CATSPERT: variants seen among roughly 807,000 people sequenced by gnomAD.
The protein encoded by CATSPERT is catsper channel auxiliary subunit tau, also known as cation channel sperm-associated targeting subunit tau.
the CATSPERT span, among the ~76,000 whole-genome samples, chr2:201,534,085 T>A: frequency 1.5e-5 from 2 of 137,590 alleles, no homozygotes; most frequent in Admixed American, 7.3e-5. Flanking sequence ...TCTATCTATC[T>A]ATCAAATCTG....
chr2:201,565,032 C>T, the CATSPERT span, among the ~76,000 whole-genome samples: 1 of 149,780 alleles, frequency 6.7e-6, no homozygotes, highest in Non-Finnish European at 1.5e-5. Context: ...AAGAAAGAGC[C>T]TGTGAACTAG....
chr2:201,568,649 T>C, the CATSPERT span, among the ~76,000 whole-genome samples: 1 of 152,160 alleles, frequency 6.6e-6, no homozygotes, highest in Non-Finnish European at 1.5e-5. Context: ...ATATGGGAGT[T>C]AAATGGAGAT....
the CATSPERT span, among the ~76,000 whole-genome samples, chr2:201,618,066 C>T: frequency 6.6e-6 from 1 of 152,260 alleles, no homozygotes; most frequent in Middle Eastern, 3.4e-3. Flanking sequence ...ACAACAGGTG[C>T]TGGAGAGGAT....
At chr2:201,545,466 T>G in the CATSPERT span, 36 of 987,962 alleles carry the variant, frequency 3.6e-5, no homozygotes, top group Non-Finnish European at 5.1e-5. Flanking sequence ...TAAAGCAAAT[T>G]ACTAATTGTC....
At chr2:201,570,933 CT>C in the CATSPERT span, among the ~76,000 whole-genome samples, 2 of 152,186 alleles carry the variant, frequency 1.3e-5, no homozygotes, top group Admixed American at 6.5e-5. Flanking sequence ...TCCTCCCCAA[CT>C]TCCCTGACAA....
the CATSPERT span, among the ~76,000 whole-genome samples, chr2:201,488,890 G>A: frequency 5.1e-4 from 78 of 152,230 alleles, no homozygotes; most frequent in Admixed American, 1.8e-3. Context: ...TCCCTCTTAC[G>A]TACACAAGAC....
chr2:201,604,559 T>C, the CATSPERT span: 5 of 1,223,394 alleles, frequency 4.1e-6, no homozygotes, highest in South Asian at 7.4e-5. Flanking sequence ...TACTGTTTGA[T>C]TATCAAATAA....
the CATSPERT span, among the ~76,000 whole-genome samples, chr2:201,598,546 A>G: frequency 6.6e-6 from 1 of 152,106 alleles, no homozygotes; most frequent in Non-Finnish European, 1.5e-5. Flanking sequence ...AGCAGAGAGC[A>G]CATCTTTTAT....
chr2:201,574,752 T>G, the CATSPERT span, among the ~76,000 whole-genome samples: 1 of 152,124 alleles, frequency 6.6e-6, no homozygotes, highest in Admixed American at 6.6e-5. Flanking sequence ...TAAAGTCAAG[T>G]GTCCATCTTT....
chr2:201,545,425 T>G, the CATSPERT span: 4 of 664,052 alleles, frequency 6.0e-6, no homozygotes, highest in Admixed American at 6.5e-5. Flanking sequence ...GTGAAATGCC[T>G]ATTTATTTCC....
At chr2:201,606,479 G>A in the CATSPERT span, among the ~76,000 whole-genome samples, 664 of 152,210 alleles carry the variant, frequency 4.4e-3, 2 homozygotes, top group African/African-American at 0.015. Flanking sequence ...ATGTATCAAG[G>A]CTATTTTAAA....
At chr2:201,543,877 A>G in the CATSPERT span, among the ~76,000 whole-genome samples, 1 of 152,030 alleles carries the variant, frequency 6.6e-6, no homozygotes, top group African/African-American at 2.4e-5. Flanking sequence ...TTATTATTAT[A>G]CTTTAAGTTC....
chr2:201,605,901 T>C, the CATSPERT span, among the ~76,000 whole-genome samples: 1 of 152,066 alleles, frequency 6.6e-6, no homozygotes, highest in African/African-American at 2.4e-5. Flanking sequence ...AGAAAAGAAA[T>C]TTTTAAAAAA....
chr2:201,504,903 T>C, the CATSPERT span, among the ~76,000 whole-genome samples: 3 of 152,280 alleles, frequency 2.0e-5, no homozygotes, highest in South Asian at 6.2e-4. Flanking sequence ...TATAAACAAG[T>C]TTCCTGTGTA....
At chr2:201,605,324 T>C in the CATSPERT span, among the ~76,000 whole-genome samples, 1 of 151,908 alleles carries the variant, frequency 6.6e-6, no homozygotes, top group South Asian at 2.1e-4. Context: ...GCAATGGCCA[T>C]AGAGAAGGGA....
chr2:201,581,548 G>GTATATATATATATA, the CATSPERT span, among the ~76,000 whole-genome samples: 1 of 9,662 alleles, frequency 1.0e-4, no homozygotes, highest in Admixed American at 2.1e-3. Flanking sequence ...AAAAATGTGT[G>GTATATATATATATA]TATATATATA....
chr2:201,531,518 T>A, the CATSPERT span, among the ~76,000 whole-genome samples: 3 of 151,632 alleles, frequency 2.0e-5, no homozygotes, highest in African/African-American at 7.3e-5. Context: ...TACCAGGAAA[T>A]GATATATGAA....
At chr2:201,603,162 C>T in the CATSPERT span, 20 of 1,488,768 alleles carry the variant, frequency 1.3e-5, no homozygotes, top group Non-Finnish European at 1.8e-5. Flanking sequence ...TGTAATGCAG[C>T]AATGGATAAC....
At chr2:201,568,544 C>T in the CATSPERT span, among the ~76,000 whole-genome samples, 2 of 152,156 alleles carry the variant, frequency 1.3e-5, no homozygotes, top group African/African-American at 4.8e-5. Flanking sequence ...GAAACCACAT[C>T]TAGTATAGCA....
Sources: gnomAD v4.1 joint callset for allele counts (sites outside exome capture counted in the v4.1 genomes callset) on GRCh38, gnomAD v4.1.1 for gene constraint, MANE v1.5 for transcripts, NCBI Gene and HGNC (gene_info 2026-07-23, HGNC 2026-07-21) for gene names.